Variants in WWOX observed in about 807,000 individuals in gnomAD.
The protein encoded by WWOX is WW domain containing oxidoreductase.
Under a neutral mutation model 46.2 loss-of-function variants are expected in WWOX, and 69 were observed. That is an observed-to-expected ratio of 1.49 (90% CI 1.23 to 1.82). WWOX has a LOEUF of 1.82. Among genes scored for constraint, WWOX ranks in the 40% most tolerant of loss-of-function variants. The pLI is 0.00. For missense variants in WWOX, 919 were observed against 542.6 expected (o/e 1.69, Z -6.89); for synonymous variants, 359 against 202.6 (o/e 1.77, Z -6.56).
At chr16:78,475,174 G>C (rs1335071727) in intron 8 of WWOX, among the ~76,000 whole-genome samples, 1 of 152,204 alleles carries the variant, frequency 6.6e-6, no homozygotes, top group Non-Finnish European at 1.5e-5. Context: ...TCATTAATAG[G>C]ATATGTCTAG....
Position 79,009,344 on chromosome 16 carries a change from T to C in WWOX, c.1057-202264T>C, listed in dbSNP as rs562367312. 5.8e-4 allele frequency among the ~76,000 whole-genome samples: 88 copies of C among 152,336 alleles called. 1 individual carries two copies. The highest frequency in any genetic ancestry group is 6.3e-4 in the Non-Finnish European group (43 of 68,030). On this transcript the variant is annotated intron_variant, in intron 8 of 8. Coordinates refer to ENST00000566780, the MANE Select transcript of WWOX (RefSeq NM_016373.4). The stretch of plus-strand genomic sequence containing the variant: ...CTGGGGCTGCTGCTCTGCACTGCTG[T>C]GGCTCTTTTTCACAAATGCTTATGG...
At chr16:79,013,752 A>C (rs1261754276) in intron 8 of WWOX, among the ~76,000 whole-genome samples, 2 of 152,210 alleles carry the variant, frequency 1.3e-5, no homozygotes, top group African/African-American at 2.4e-5. Context: ...TTGCAGGTTC[A>C]TTTGTTACTT....
At chr16:78,261,788 C>CTAGATATA (rs1491587303) in intron 5 of WWOX, among the ~76,000 whole-genome samples, 224 of 73,732 alleles carry the variant, frequency 3.0e-3, no homozygotes, top group Non-Finnish European at 4.8e-3. Context: ...ATCTATCTAT[C>CTAGATATA]TATATATATA....
intron 8 of WWOX, among the ~76,000 whole-genome samples, chr16:78,730,734 A>G (rs1273658469): frequency 6.6e-6 from 1 of 150,778 alleles, no homozygotes; most frequent in African/African-American, 2.4e-5. Flanking sequence ...TGCTGGGATT[A>G]CAGGTATAAA....
intron 8 of WWOX, among the ~76,000 whole-genome samples, chr16:78,767,758 C>G (rs1024702429): frequency 2.0e-5 from 3 of 152,132 alleles, no homozygotes; most frequent in African/African-American, 7.2e-5. Flanking sequence ...GAATAGCCAT[C>G]TGAGTGAAGT....
chr16:78,318,311 C>A (rs777666392), intron 5 of WWOX, among the ~76,000 whole-genome samples: 20 of 118,720 alleles, frequency 1.7e-4, no homozygotes, highest in South Asian at 2.7e-4. Flanking sequence ...GTTTACAGTT[C>A]TAGAAAAGTG....
At chr16:78,520,636 C>A (rs1399217600) in intron 8 of WWOX, among the ~76,000 whole-genome samples, 1 of 151,538 alleles carries the variant, frequency 6.6e-6, no homozygotes, top group Non-Finnish European at 1.5e-5. Flanking sequence ...TGGGGTGGGG[C>A]AGGGCAGGAC....
chr16:79,080,020 C>G (rs544614466), intron 8 of WWOX, among the ~76,000 whole-genome samples: 4 of 152,168 alleles, frequency 2.6e-5, no homozygotes, highest in Admixed American at 1.3e-4. Flanking sequence ...ATACCACGCA[C>G]TGCTTTAGGC....
chr16:78,526,717 C>T (rs1285391338), intron 8 of WWOX, among the ~76,000 whole-genome samples: 2 of 152,160 alleles, frequency 1.3e-5, no homozygotes, highest in East Asian at 1.9e-4. Context: ...TGACCTGTGA[C>T]CATCTCCAAG....
chr16:78,476,804 T>C (rs957674042), intron 8 of WWOX, among the ~76,000 whole-genome samples: 2 of 152,136 alleles, frequency 1.3e-5, no homozygotes, highest in South Asian at 2.1e-4. Flanking sequence ...CAATAGGCAA[T>C]TGAGATAGGA....
In WWOX at chr16:78,165,129, G is replaced by C. The variant is rs139926144; in HGVS notation, c.516+840G>C. 2.6e-5 allele frequency among the ~76,000 whole-genome samples: 4 copies of C among 152,344 alleles called. 1 individual carries two copies. Among genetic ancestry groups the C allele is most frequent in the African/African-American group, 9.6e-5 (4 of 41,578 alleles). On this transcript the variant is annotated intron_variant, in intron 5 of 8. Coordinates refer to ENST00000566780, the MANE Select transcript of WWOX (RefSeq NM_016373.4). ...TAGGAGAGGTGCTGTTGGGGGATGG[G>C]TATCTGGTAGACTCTGAGATAGCGG...
chr16:78,495,729 G>A (rs928104166), intron 8 of WWOX, among the ~76,000 whole-genome samples: 7 of 151,882 alleles, frequency 4.6e-5, no homozygotes, highest in South Asian at 2.1e-4. Context: ...GGGTGGTCTC[G>A]AACTCCTGAC....
chr16:78,671,558 T>C (rs1023482423), intron 8 of WWOX, among the ~76,000 whole-genome samples: 1 of 152,216 alleles, frequency 6.6e-6, no homozygotes, highest in Non-Finnish European at 1.5e-5. Context: ...TTCTAGTTTT[T>C]ATGATAACCT....
chr16:78,564,394 T>A (rs1038288979), intron 8 of WWOX, among the ~76,000 whole-genome samples: 1 of 152,158 alleles, frequency 6.6e-6, no homozygotes, highest in Non-Finnish European at 1.5e-5. Flanking sequence ...TGGCTAGTGT[T>A]TTCTGTCTCA....
intron 5 of WWOX, among the ~76,000 whole-genome samples, chr16:78,306,933 TG>T (rs1368970756): frequency 2.6e-5 from 4 of 152,222 alleles, no homozygotes; most frequent in Non-Finnish European, 4.4e-5. Context: ...ACTCTCCTTA[TG>T]ACAGGTTTCC....
intron 8 of WWOX, among the ~76,000 whole-genome samples, chr16:78,444,793 G>A (rs941097945): frequency 6.6e-6 from 1 of 152,084 alleles, no homozygotes; most frequent in African/African-American, 2.4e-5. Flanking sequence ...GCCTCCCAAA[G>A]TGCTGGAATT....
At chr16:78,491,188 C>G (rs868402540) in intron 8 of WWOX, among the ~76,000 whole-genome samples, 3 of 152,196 alleles carry the variant, frequency 2.0e-5, no homozygotes, top group African/African-American at 7.2e-5. Context: ...ATATCTTCCA[C>G]AAAGCCTTCC....
At chr16:79,126,807 G>T (rs1420197655) in intron 8 of WWOX, among the ~76,000 whole-genome samples, 1 of 152,068 alleles carries the variant, frequency 6.6e-6, no homozygotes, top group Admixed American at 6.5e-5. Context: ...AGAATGACTG[G>T]ATGTCCTATA....
rs58409419 is a variant in WWOX, at chr16:78,123,455, G to GTTTTTT, written c.409+8308_409+8313dup. 207 of 65,522 alleles carry GTTTTTT rather than the reference G, an allele frequency of 3.2e-3. 1 individual carries two copies. The highest frequency in any genetic ancestry group is 6.1e-3 in the East Asian group (11 of 1,800). 4.1% of individuals were successfully genotyped at this position (65,522 alleles called of 1,614,324 possible). A position where few individuals can be genotyped will look rare whatever the true frequency, so the allele number is the denominator to read the frequency against. ...TTTTTGTTTTGTTTTTTTTTTTTTT[G>GTTTTTT]TTTTTTTTTTTTGTTTTTTTGAGAT... On this transcript the variant is annotated intron_variant, in intron 4 of 8. Coordinates refer to ENST00000566780, the MANE Select transcript of WWOX (RefSeq NM_016373.4).
Sources: gnomAD v4.1 joint callset for allele counts (sites outside exome capture counted in the v4.1 genomes callset) on GRCh38, gnomAD v4.1.1 for gene constraint, MANE v1.5 for transcripts, NCBI Gene and HGNC (gene_info 2026-07-23, HGNC 2026-07-21) for gene names.